The following GRIN2B variants were observed in gnomAD, a reference collection of about 807,000 sequenced individuals.
GRIN2B encodes the protein glutamate receptor ionotropic, NMDA 2B.
In GRIN2B, 5 loss-of-function variants were observed where a neutral mutation model predicts 114.5. The ratio of observed to expected loss-of-function variants is 0.04; its 90% CI spans 0.02 to 0.09. GRIN2B has a LOEUF of 0.09. GRIN2B is among the 10% of genes least tolerant of loss of function. The pLI, the probability that GRIN2B is intolerant of heterozygous loss-of-function variation, is 1.00. For missense variants in GRIN2B, 1,108 were observed against 1,943.5 expected, an observed-to-expected ratio of 0.57 and a Z score of 8.08; for synonymous variants, 787 against 745.1, an observed-to-expected ratio of 1.06 and a Z score of -0.92.
intron 10 of GRIN2B, among the ~76,000 whole-genome samples, chr12:13,589,593 A>AATCT (rs1948977323): frequency 6.6e-6 from 1 of 152,230 alleles, no homozygotes; most frequent in Non-Finnish European, 1.5e-5. Flanking sequence ...TAGTATTTAG[A>AATCT]ATCTATCTGA....
At chr12:13,976,704 A>G (rs1863026943) in intron 2 of GRIN2B, among the ~76,000 whole-genome samples, 1 of 150,932 alleles carries the variant, frequency 6.6e-6, no homozygotes, top group Non-Finnish European at 1.5e-5. Context: ...CATAAATATT[A>G]ACAATTTTTT....
At chr12:13,649,368 A>G (rs1949793971) in intron 5 of GRIN2B, among the ~76,000 whole-genome samples, 2 of 152,040 alleles carry the variant, frequency 1.3e-5, no homozygotes, top group South Asian at 4.1e-4. Context: ...CCTTTTAGCA[A>G]GAGGTCAACT....
At chr12:13,860,606 G>A (rs948557499) in intron 3 of GRIN2B, among the ~76,000 whole-genome samples, 1 of 152,172 alleles carries the variant, frequency 6.6e-6, no homozygotes, top group African/African-American at 2.4e-5. Context: ...TTACAGGCAT[G>A]AGCCACCGTG....
rs57722937 is a variant in GRIN2B, at chr12:13,855,049, G to GGAAAAAAAAA, written c.411+10748_411+10749insTTTTTTTTTC. 1.9e-4 allele frequency among the ~76,000 whole-genome samples: 17 copies of GGAAAAAAAAA among 88,012 alleles called. 1 individual carries two copies. The highest frequency in any genetic ancestry group is 8.2e-4 in the African/African-American group (17 of 20,698). 57.7% of individuals were successfully genotyped at this position (88,012 alleles called of 152,430 possible). A position where few individuals can be genotyped will look rare whatever the true frequency, so the allele number is the denominator to read the frequency against. ...AACATGGTGAAACCCCATCTCTACTGAAAAAAAAAAAAAAAAAAAATTGCC... is the reference window on the plus strand; with the variant it reads ...AACATGGTGAAACCCCATCTCTACTGGAAAAAAAAAAAAAAAAAAAAAAAAAAAAATTGCC... On this transcript the variant is annotated intron_variant, in intron 3 of 13. Coordinates refer to ENST00000609686, the MANE Select transcript of GRIN2B (RefSeq NM_000834.5).
chr12:13,902,401 T>C (rs935587955), intron 2 of GRIN2B, among the ~76,000 whole-genome samples: 12 of 152,212 alleles, frequency 7.9e-5, no homozygotes, highest in Non-Finnish European at 1.5e-4. Context: ...CAATTCATAA[T>C]GCTTTACATT....
intron 2 of GRIN2B, among the ~76,000 whole-genome samples, chr12:13,912,652 T>A (rs1240480204): frequency 2.0e-5 from 3 of 152,210 alleles, no homozygotes; most frequent in Non-Finnish European, 4.4e-5. Flanking sequence ...GGAAGGAGTG[T>A]GCCCTTAATA....
At chr12:13,872,773 C>G (rs1470515290) in intron 2 of GRIN2B, among the ~76,000 whole-genome samples, 1 of 152,094 alleles carries the variant, frequency 6.6e-6, no homozygotes, top group Non-Finnish European at 1.5e-5. Context: ...TGGGTACATC[C>G]AATAACTGTA....
In GRIN2B at chr12:13,561,217, G is replaced by T. The variant is rs779589810; in HGVS notation, c.*1566C>A. ...GTATATCTTTTTTTATTCCTCAATGGTACAATCTGAGAGGGAAACAAGGTG... is the reference window on the plus strand; with the variant it reads ...GTATATCTTTTTTTATTCCTCAATGTTACAATCTGAGAGGGAAACAAGGTG... On this transcript the variant is annotated 3_prime_UTR_variant, in exon 14 of 14. Transcript: ENST00000609686. 6.6e-6 allele frequency: 1 copy of T among 151,998 alleles called. No homozygotes were observed. The highest frequency in any genetic ancestry group is 6.5e-5 in the Admixed American group (1 of 15,272). 9.4% of individuals were successfully genotyped at this position (151,998 alleles called of 1,614,324 possible). A position where few individuals can be genotyped will look rare whatever the true frequency, so the allele number is the denominator to read the frequency against.
At chr12:13,590,996 G>A (rs559719941) in intron 10 of GRIN2B, among the ~76,000 whole-genome samples, 11 of 152,222 alleles carry the variant, frequency 7.2e-5, no homozygotes, top group African/African-American at 2.6e-4. Flanking sequence ...GACCCACAAG[G>A]TTGGCTGCAA....
Position 13,962,546 on chromosome 12 carries a change from T to C in GRIN2B, c.-19+17382A>G, listed in dbSNP as rs1297077702. Among the ~76,000 whole-genome samples the C allele has an allele frequency of 5.3e-5, 8 of 152,364 alleles. No homozygotes were observed. The East Asian group carries it at 1.2e-3, about 22-fold the overall frequency. On this transcript the variant is annotated intron_variant, in intron 2 of 13. Coordinates refer to ENST00000609686, the MANE Select transcript of GRIN2B (RefSeq NM_000834.5). ...AATTGATTTATATTTGCCACTTGAA[T>C]GCTTGACATTCTGTGAACTCACAAT...
intron 4 of GRIN2B, among the ~76,000 whole-genome samples, chr12:13,677,881 C>T (rs534361311): frequency 1.3e-5 from 2 of 152,210 alleles, no homozygotes; most frequent in East Asian, 3.9e-4. Flanking sequence ...CAATTTTACT[C>T]TTTAAAGACC....
intron 4 of GRIN2B, among the ~76,000 whole-genome samples, chr12:13,695,598 G>C (rs1342871296): frequency 6.6e-6 from 1 of 152,122 alleles, no homozygotes; most frequent in African/African-American, 2.4e-5. Flanking sequence ...GGAGGAAAGA[G>C]AATAACGGAG....
Position 13,629,798 on chromosome 12 carries a change from G to C in GRIN2B, c.1126-13141C>G, listed in dbSNP as rs112839980. ...ACAGAATGCTCTTTCTTATCTGAAT[G>C]TCTTTACTCATGCCAAAATCCTCTA... On this transcript the variant is annotated intron_variant, in intron 5 of 13. Coordinates refer to ENST00000609686, the MANE Select transcript of GRIN2B (RefSeq NM_000834.5). Among the ~76,000 whole-genome samples, 24 of 152,032 alleles carry C rather than the reference G, an allele frequency of 1.6e-4. 1 individual carries two copies. The highest frequency in any genetic ancestry group is 3.4e-3 in the Middle Eastern group (1 of 294).
In GRIN2B at chr12:13,602,931, G is replaced by A. The variant is rs541422099; in HGVS notation, c.2010+5672C>T. Among the ~76,000 whole-genome samples, 19 of 152,228 alleles carry A rather than the reference G, an allele frequency of 1.2e-4. 1 individual carries two copies. The highest frequency in any genetic ancestry group is 9.2e-4 in the Admixed American group (14 of 15,296). Reference sequence around the variant, plus strand: ...AATGGTGGTAGGAACGTGTGAAATCGTTTGCAGCCAGATACCCTGGAGAGC... The same window carrying A: ...AATGGTGGTAGGAACGTGTGAAATCATTTGCAGCCAGATACCCTGGAGAGC... On this transcript the variant is annotated intron_variant, in intron 10 of 13. Coordinates refer to ENST00000609686, the MANE Select transcript of GRIN2B (RefSeq NM_000834.5).
At chr12:13,769,337 CCT>C (rs932282162) in intron 3 of GRIN2B, among the ~76,000 whole-genome samples, 4 of 152,096 alleles carry the variant, frequency 2.6e-5, no homozygotes, top group East Asian at 1.9e-4. Context: ...GTTTTCATCC[CCT>C]GTCTGGTTGT....
At chr12:13,681,323 A>G (rs564147870) in intron 4 of GRIN2B, among the ~76,000 whole-genome samples, 1 of 152,298 alleles carries the variant, frequency 6.6e-6, no homozygotes, top group Non-Finnish European at 1.5e-5. Flanking sequence ...ATTAGATGAC[A>G]AGGCTGAGAA....
rs1249985597 is a variant in GRIN2B at position 13,866,062 on chromosome 12, G to A, written c.147C>T (p.Ala49=). ...CATCTTTCTCGTGGGCATCCTTGAT[G>A]GCCACCTCGTCGGAAGTGCCCACGA... ...VILVGTSDEV[A]IKDAHEKDDF... is the part of the protein sequence containing the mutation. Residue 49 remains alanine (A), a synonymous_variant, in exon 3 of 14, where the codon GCC becomes GCT. Coordinates refer to ENST00000609686, the MANE Select transcript of GRIN2B (RefSeq NM_000834.5). The A allele has an allele frequency of 3.1e-6, 5 of 1,613,942 alleles. No homozygotes were observed. The highest frequency in any genetic ancestry group is 3.4e-6 in the Non-Finnish European group (4 of 1,179,988).
In GRIN2B at chr12:13,935,823, T is replaced by C. The variant is rs978787312; in HGVS notation, c.-19+44105A>G. On this transcript the variant is annotated intron_variant, in intron 2 of 13. Coordinates refer to ENST00000609686, the MANE Select transcript of GRIN2B (RefSeq NM_000834.5). Reference sequence around the variant, plus strand: ...GCCAGTTTCCTACTGGAAACAGCTATAAAGCTGGACAAAAGATGTGAGGCA... The same window carrying C: ...GCCAGTTTCCTACTGGAAACAGCTACAAAGCTGGACAAAAGATGTGAGGCA... Among the ~76,000 whole-genome samples the C allele has an allele frequency of 2.6e-5, 4 of 152,208 alleles. No individual in the cohort carries two copies. The East Asian group carries it at 7.7e-4, about 29-fold the overall frequency.
chr12:13,637,118 A>G (rs1198364697), intron 5 of GRIN2B, among the ~76,000 whole-genome samples: 1 of 152,152 alleles, frequency 6.6e-6, no homozygotes, highest in African/African-American at 2.4e-5. Context: ...TACAAATTTG[A>G]GAGACATTGA....
Sources: gnomAD v4.1 joint callset for allele counts (sites outside exome capture counted in the v4.1 genomes callset) on GRCh38, gnomAD v4.1.1 for gene constraint, MANE v1.5 for transcripts, NCBI Gene and HGNC (gene_info 2026-07-23, HGNC 2026-07-21) for gene names.